Variants in HLTF observed in about 807,000 individuals in gnomAD.
HLTF encodes the protein helicase like transcription factor.
A neutral mutation model predicts 129.4 loss-of-function variants in HLTF; 127 were observed. That is an observed-to-expected ratio of 0.98 (90% CI 0.85 to 1.14). The LOEUF (loss-of-function observed/expected upper bound fraction) is 1.14. HLTF is among the 50% of genes most tolerant of loss of function. The pLI is 0.00. For missense variants in HLTF, 1,139 were observed against 1,187.1 expected (o/e 0.96, Z 0.60); for synonymous variants, 332 against 388.8 (o/e 0.85, Z 1.72).
chr3:149,064,892 A>T (rs1388507234), intron 8 of HLTF, 26 bp from the exon 9 acceptor site: 1 of 1,286,240 alleles, frequency 7.8e-7, no homozygotes, highest in African/African-American at 1.5e-5. Flanking sequence ...TATTTCTTAA[A>T]CAGTACTGCT....
intron 17 of HLTF, among the ~76,000 whole-genome samples, 190 bp downstream of exon 17, chr3:149,047,838 T>C (rs1278526763): frequency 6.6e-6 from 1 of 152,170 alleles, no homozygotes; most frequent in Non-Finnish European, 1.5e-5. Flanking sequence ...AGGGTAGTTA[T>C]CGACAATTAG....
At chr3:149,075,826 T>A in intron 3 of HLTF, 55 bp downstream of exon 3, 1 of 1,276,422 alleles carries the variant, frequency 7.8e-7, no homozygotes, top group South Asian at 1.5e-5. Flanking sequence ...CCCTAACAAG[T>A]TCAAAGATGA....
At position 149,034,996 on chromosome 3, in the gene HLTF, G is replaced by C; in HGVS notation, c.2799C>G (p.Ala933=). 6.2e-7 allele frequency: 1 copy of C among 1,611,604 alleles called. No homozygotes were observed. The highest frequency in any genetic ancestry group is 1.1e-5 in the South Asian group (1 of 91,014). Residue 933 remains alanine, a splice_region_variant and synonymous_variant, in exon 24 of 25, where the codon GCC becomes GCG. Coordinates refer to ENST00000310053, the MANE Select transcript of HLTF (RefSeq NM_003071.4). Reference sequence around the variant, plus strand: ...ACTGATCTTCAGCAGCAGGATTCCAGGCCTAACAAGAACATGGATGAGTTA... The same window carrying C: ...ACTGATCTTCAGCAGCAGGATTCCACGCCTAACAAGAACATGGATGAGTTA... ...AASRVFLMDP[A]WNPAAEDQCF... is the part of the protein sequence containing the mutation.
rs768794352 is a variant in HLTF at position 149,039,069 on chromosome 3, G to A, written c.2776C>T (p.Arg926Ter). 3.8e-6 allele frequency: 6 copies of A among 1,581,346 alleles called. No homozygotes were observed. Among genetic ancestry groups the A allele is most frequent in the South Asian group, 2.4e-5 (2 of 84,774 alleles). The change falls in exon 23 of 25, where the codon CGA (arginine) becomes TGA (stop). Residue 926 changes from arginine to a stop codon, truncating the protein, a stop_gained. Coordinates refer to ENST00000310053, the MANE Select transcript of HLTF (RefSeq NM_003071.4). LOFTEE classifies it high-confidence loss of function. ...CTTACTGGATCCATTAAAAACACTC[G>A]AGAAGCTGCAGACAGATTCAAACCA... ...GVGLNLSAASRVFLMDPAWNP... is the reference protein window; with the variant it reads ...GVGLNLSAAS
intron 14 of HLTF, among the ~76,000 whole-genome samples, chr3:149,051,576 C>G (rs369781578): frequency 6.6e-6 from 1 of 152,128 alleles, no homozygotes; most frequent in Non-Finnish European, 1.5e-5. Flanking sequence ...TAAAAATATT[C>G]CAGGCCAGGT....
chr3:149,076,096 T>A (rs1418776653), intron 2 of HLTF, 49 bp from the exon 3 acceptor site: 1 of 704,862 alleles, frequency 1.4e-6, no homozygotes, highest in African/African-American at 1.8e-5. Flanking sequence ...TAATAGACAA[T>A]AACTTTGTTA....
At chr3:149,050,005 G>A (rs890137099) in intron 15 of HLTF, among the ~76,000 whole-genome samples, 2 of 151,752 alleles carry the variant, frequency 1.3e-5, no homozygotes, top group Non-Finnish European at 2.9e-5. Context: ...GGGAGGGGGA[G>A]GGGAGGAGTG....
intron 23 of HLTF, among the ~76,000 whole-genome samples, chr3:149,036,548 C>G (rs986664589): frequency 2.6e-5 from 4 of 151,960 alleles, no homozygotes; most frequent in African/African-American, 4.8e-5. Flanking sequence ...CGGCCTCCCA[C>G]AAAGTGCTGG....
intron 23 of HLTF, among the ~76,000 whole-genome samples, chr3:149,038,421 C>A (rs1715830432): frequency 6.6e-6 from 1 of 152,130 alleles, no homozygotes; most frequent in African/African-American, 2.4e-5. Context: ...TCTGGTTTTG[C>A]CTATTACTAA....
intron 9 of HLTF, among the ~76,000 whole-genome samples, chr3:149,064,067 AT>A (rs1718165188): frequency 6.6e-6 from 1 of 151,886 alleles, no homozygotes; most frequent in African/African-American, 2.4e-5. Context: ...AAAAATCTCA[AT>A]TTTCCTATCT....
At chr3:149,065,281 G>C (rs1187314539) in intron 8 of HLTF, among the ~76,000 whole-genome samples, 1 of 152,064 alleles carries the variant, frequency 6.6e-6, no homozygotes, top group East Asian at 1.9e-4. Context: ...TCTTTCTCTA[G>C]AATTTGCAGG....
intron 10 of HLTF, 57 bp from the exon 11 acceptor site, chr3:149,060,915 T>C (rs955098312): frequency 8.1e-6 from 9 of 1,114,870 alleles, no homozygotes; most frequent in African/African-American, 1.6e-5. Context: ...AAATAAGATA[T>C]ACAAACATGT....
At chr3:149,073,927 A>C (rs566262780) in intron 4 of HLTF, among the ~76,000 whole-genome samples, 1 of 152,288 alleles carries the variant, frequency 6.6e-6, no homozygotes, top group South Asian at 2.1e-4. Context: ...AGATGTTACC[A>C]TTAGGGAAAA....
At chr3:149,036,078 T>G (rs1715591616) in intron 23 of HLTF, among the ~76,000 whole-genome samples, 1 of 151,196 alleles carries the variant, frequency 6.6e-6, no homozygotes, top group African/African-American at 2.4e-5. Flanking sequence ...GAGCTGGCAG[T>G]GAGCCGAGAT....
chr3:149,060,761 A>C lies in HLTF; in HGVS notation c.1240+18T>G. On this transcript the variant is annotated intron_variant, in intron 11 of 24. Transcript: ENST00000310053. Reference sequence around the variant, plus strand: ...AGAATATAGGACACATTATCAAATCAAATCTATTACATGTTACCTTTCATT... The same window carrying C: ...AGAATATAGGACACATTATCAAATCCAATCTATTACATGTTACCTTTCATT... The C allele has an allele frequency of 1.2e-6, 2 of 1,609,232 alleles. No individual in the cohort carries two copies. Among genetic ancestry groups the C allele is most frequent in the Non-Finnish European group, 1.7e-6 (2 of 1,175,962 alleles).
intron 13 of HLTF, among the ~76,000 whole-genome samples, chr3:149,056,925 C>T (rs542112109): frequency 2.5e-3 from 372 of 146,612 alleles, no homozygotes; most frequent in Non-Finnish European, 3.4e-3. Flanking sequence ...CTGGCTAACA[C>T]GGTGAAACCC....
chr3:149,083,937 A>G (rs934014517), intron 2 of HLTF, among the ~76,000 whole-genome samples: 2 of 151,768 alleles, frequency 1.3e-5, no homozygotes, highest in African/African-American at 4.8e-5. Flanking sequence ...AGAAAAAAAA[A>G]AAAATCCAAT....
intron 13 of HLTF, 62 bp downstream of exon 13, chr3:149,059,656 A>T: frequency 1.0e-6 from 1 of 987,232 alleles, no homozygotes; most frequent in Non-Finnish European, 1.6e-6. Context: ...TTAAAATTTT[A>T]AATTTTTTCA....
At chr3:149,077,362 G>A (rs1004148034) in intron 2 of HLTF, among the ~76,000 whole-genome samples, 1 of 152,036 alleles carries the variant, frequency 6.6e-6, no homozygotes, top group African/African-American at 2.4e-5. Context: ...TGGAGTTACA[G>A]TTCTTTCAGA....
Sources: gnomAD v4.1 joint callset for allele counts (sites outside exome capture counted in the v4.1 genomes callset) on GRCh38, gnomAD v4.1.1 for gene constraint, MANE v1.5 for transcripts, NCBI Gene and HGNC (gene_info 2026-07-23, HGNC 2026-07-21) for gene names.